The following CNTN5 variants were observed in gnomAD, a reference collection of about 807,000 sequenced individuals.
The protein encoded by CNTN5 is contactin-5.
In CNTN5, 77 loss-of-function variants were observed where a neutral mutation model predicts 129.1. The observed-to-expected ratio is 0.60, with a 90% CI of 0.50 to 0.72. CNTN5 has a LOEUF of 0.72. Ranked by LOEUF, CNTN5 falls within the 30% of genes least tolerant of loss-of-function variation. The pLI is 0.00. For missense variants in CNTN5, 1,478 were observed against 1,328.8 expected (o/e 1.11, Z -1.75); for synonymous variants, 509 against 465.6 (o/e 1.09, Z -1.20).
intron 1 of CNTN5, among the ~76,000 whole-genome samples, chr11:99,282,329 C>T (rs1003039667): frequency 9.2e-5 from 14 of 151,782 alleles, no homozygotes; most frequent in African/African-American, 2.7e-4. Context: ...CTGAGTACTA[C>T]GGTAAGGTTC....
rs117701813 is a variant in CNTN5 at position 99,243,890 on chromosome 11, C to T, written c.-209-81456C>T. Among the ~76,000 whole-genome samples, 152 of 151,862 alleles carry T rather than the reference C, an allele frequency of 1.0e-3. 3 individuals are homozygous for T. The East Asian group carries it at 0.02, about 20-fold the overall frequency. ...AAGCTTTACAGTATTCTTTGAAATT[C>T]GGCAATGTGATGCCTCCAGCTGTAT... On this transcript the variant is annotated intron_variant, in intron 1 of 24. Transcript: ENST00000524871.
At chr11:100,196,325 A>C (rs1491001133) in intron 15 of CNTN5, among the ~76,000 whole-genome samples, 1 of 90,856 alleles carries the variant, frequency 1.1e-5, no homozygotes, top group Non-Finnish European at 2.9e-5. Context: ...AGAGATAACA[A>C]TATTTTGTAT....
chr11:99,697,023 T>C (rs1206738130), intron 3 of CNTN5, among the ~76,000 whole-genome samples: 1 of 151,896 alleles, frequency 6.6e-6, no homozygotes, highest in Non-Finnish European at 1.5e-5. Context: ...ATGAGTCAAC[T>C]GGAAACTCTT....
rs1336912001 is a variant in CNTN5 at position 100,193,673 on chromosome 11, T to A, written c.1884+10T>A. The A allele has an allele frequency of 1.2e-6, 2 of 1,606,560 alleles. No individual in the cohort carries two copies. The highest frequency in any genetic ancestry group is 1.1e-5 in the South Asian group (1 of 89,828). On this transcript the variant is annotated intron_variant, in intron 15 of 24. Coordinates refer to ENST00000524871, the MANE Select transcript of CNTN5 (RefSeq NM_014361.4). ...TGAAAGCATCAGGGCCGTAAGTGAA[T>A]ACACTTTTATTCTTTTAGTAATGAT...
chr11:100,056,052 G>T (rs889655999), intron 9 of CNTN5, among the ~76,000 whole-genome samples: 1 of 151,552 alleles, frequency 6.6e-6, no homozygotes, highest in Non-Finnish European at 1.5e-5. Flanking sequence ...CTTCAACTAT[G>T]TCTAATTTGA....
intron 13 of CNTN5, among the ~76,000 whole-genome samples, chr11:100,159,865 T>A (rs953697706): frequency 1.3e-5 from 2 of 151,904 alleles, no homozygotes; most frequent in African/African-American, 4.8e-5. Flanking sequence ...CATGGGCCAC[T>A]ATTTCTTCAG....
intron 2 of CNTN5, among the ~76,000 whole-genome samples, chr11:99,512,637 A>G (rs1230642003): frequency 1.3e-5 from 2 of 152,108 alleles, no homozygotes; most frequent in East Asian, 3.9e-4. Context: ...GTAATTCTAG[A>G]ATAGTTTCAA....
intron 1 of CNTN5, among the ~76,000 whole-genome samples, chr11:99,071,525 CTT>C (rs1475670607): frequency 1.3e-5 from 2 of 152,056 alleles, no homozygotes; most frequent in South Asian, 2.1e-4. Context: ...TTTAAAAAGA[CTT>C]TGCAAATTTA....
chr11:99,497,399 G>GAA (rs35867382), intron 2 of CNTN5, among the ~76,000 whole-genome samples: 2 of 151,862 alleles, frequency 1.3e-5, no homozygotes, highest in Admixed American at 1.3e-4. Context: ...CTGTTAAGAA[G>GAA]AAAAATGCTC....
chr11:99,774,948 G>C (rs190753322), intron 3 of CNTN5, among the ~76,000 whole-genome samples: 2 of 151,978 alleles, frequency 1.3e-5, no homozygotes, highest in African/African-American at 2.4e-5. Flanking sequence ...TATTTTATTT[G>C]GATCTATTTT....
intron 1 of CNTN5, among the ~76,000 whole-genome samples, chr11:99,262,568 A>C (rs1467320945): frequency 6.6e-6 from 1 of 151,268 alleles, no homozygotes; most frequent in African/African-American, 2.4e-5. Context: ...GAGCCAAAAA[A>C]CATGTATTGC....
At chr11:99,137,306 A>C (rs572740061) in intron 1 of CNTN5, among the ~76,000 whole-genome samples, 2 of 152,302 alleles carry the variant, frequency 1.3e-5, no homozygotes, top group East Asian at 3.9e-4. Context: ...GCATCTTCTG[A>C]AGCAGTTGCA....
chr11:100,264,592 G>A (rs10894674), intron 17 of CNTN5, among the ~76,000 whole-genome samples: 66,990 of 151,892 alleles, frequency 0.44, 15,709 homozygotes, highest in African/African-American at 0.61. Flanking sequence ...ATAATACTCC[G>A]TGGTGTATAT....
intron 2 of CNTN5, among the ~76,000 whole-genome samples, chr11:99,475,181 G>A (rs1945324877): frequency 6.6e-6 from 1 of 152,052 alleles, no homozygotes; most frequent in South Asian, 2.1e-4. Context: ...CCTCTTTACT[G>A]TGGGAGTGAA....
In CNTN5 at chr11:99,819,621, C is replaced by G. The variant is rs1946724816; in HGVS notation, c.133C>G (p.Leu45Val). ...AATTAAGAAGAGTTCATCTTCATCT[C>G]TCTTTGGTTCCAAAACCAGACCACG... ...LRIKKSSSSS[L>V]FGSKTRPRYS... Residue 45 changes from leucine (L) to valine (V), a missense_variant, in exon 4 of 25, where the codon CTC (leucine) becomes GTC (valine). By Grantham distance (32) the Leu-to-Val change is conservative. Coordinates refer to ENST00000524871, the MANE Select transcript of CNTN5 (RefSeq NM_014361.4). The G allele has an allele frequency of 1.2e-6, 2 of 1,612,942 alleles. No individual in the cohort carries two copies. Among genetic ancestry groups the G allele is most frequent in the Non-Finnish European group, 1.7e-6 (2 of 1,179,832 alleles).
At chr11:100,196,721 G>A (rs1948647380) in intron 15 of CNTN5, among the ~76,000 whole-genome samples, 1 of 151,934 alleles carries the variant, frequency 6.6e-6, no homozygotes, top group Non-Finnish European at 1.5e-5. Context: ...TGACTAATTT[G>A]GAGTGAATCC....
At chr11:100,188,741 C>T (rs1429401157) in intron 13 of CNTN5, among the ~76,000 whole-genome samples, 1 of 151,982 alleles carries the variant, frequency 6.6e-6, no homozygotes, top group Non-Finnish European at 1.5e-5. Flanking sequence ...GTTATACATC[C>T]AAAAGAAAAT....
chr11:100,028,708 C>G (rs577057020), intron 9 of CNTN5, among the ~76,000 whole-genome samples: 1 of 152,174 alleles, frequency 6.6e-6, no homozygotes, highest in Non-Finnish European at 1.5e-5. Context: ...AAAATTCACT[C>G]TTTGGCTTTC....
At chr11:99,142,835 C>T (rs1234279592) in intron 1 of CNTN5, among the ~76,000 whole-genome samples, 1 of 152,110 alleles carries the variant, frequency 6.6e-6, no homozygotes, top group East Asian at 1.9e-4. Context: ...ACTCGTAGGG[C>T]TTCCTGCAGC....
Sources: gnomAD v4.1 joint callset for allele counts (sites outside exome capture counted in the v4.1 genomes callset) on GRCh38, gnomAD v4.1.1 for gene constraint, MANE v1.5 for transcripts, NCBI Gene and HGNC (gene_info 2026-07-23, HGNC 2026-07-21) for gene names.